RABGAP1: variants seen among roughly 807,000 people sequenced by gnomAD.
RABGAP1 encodes the protein RAB GTPase activating protein 1.
A neutral mutation model predicts 137.6 loss-of-function variants in RABGAP1; 23 were observed. That is an observed-to-expected ratio of 0.17 (90% CI 0.12 to 0.24). RABGAP1 has a LOEUF of 0.24. Among genes scored for constraint, RABGAP1 ranks in the 10% least tolerant of loss-of-function variants. RABGAP1 has a pLI of 1.00. For synonymous variants in RABGAP1, 451 were observed against 450.7 expected (o/e 1.00, Z -0.01); for missense variants, 906 against 1,275.8 (o/e 0.71, Z 4.42).
At chr9:123,020,185 CCTT>C (rs2031532929) in intron 12 of RABGAP1, 121 bp from the exon 13 acceptor site, 1 of 845,518 alleles carries the variant, frequency 1.2e-6, no homozygotes, top group Admixed American at 4.1e-5. Context: ...CTTTTTTTTC[CCTT>C]TATTACTTTG....
intron 13 of RABGAP1, among the ~76,000 whole-genome samples, chr9:123,064,670 G>T (rs1182486452): frequency 6.6e-6 from 1 of 152,212 alleles, no homozygotes; most frequent in Non-Finnish European, 1.5e-5. Flanking sequence ...GAGAATATTA[G>T]AAATAACTGG....
Position 123,089,802 on chromosome 9 carries a change from C to A in RABGAP1, c.2469C>A (p.Thr823=), listed in dbSNP as rs781754279. 29 of 1,613,760 alleles carry A rather than the reference C, an allele frequency of 1.8e-5. No homozygotes were observed. Among genetic ancestry groups the A allele is most frequent in the Non-Finnish European group, 2.5e-5 (29 of 1,179,794 alleles). ...KLKKYEKEYH[T]MREQQAQQED... ...AAAAATACGAGAAAGAATATCACAC[C>A]ATGAGGGAACAGCAGGCCCAGCAAG... is the stretch of plus-strand genomic sequence containing the variant. The change falls in exon 20 of 26, where the codon ACC becomes ACA. Residue 823 remains threonine, a synonymous_variant. Transcript: ENST00000373647.
At position 123,093,236 on chromosome 9, in the gene RABGAP1, T is replaced by G. The variant is rs189871905; in HGVS notation, c.2628+2851T>G. The stretch of plus-strand genomic sequence containing the variant: ...GGTTGATTATACATCACTTTTGTTA[T>G]TCATCACCTGTCACTTTTGCTGTTC... On this transcript the variant is annotated intron_variant, in intron 21 of 25. Transcript: ENST00000373647. Among the ~76,000 whole-genome samples the G allele has an allele frequency of 3.5e-3, 531 of 152,338 alleles. 1 individual carries two copies. Among genetic ancestry groups the G allele is most frequent in the Middle Eastern group, 6.8e-3 (2 of 294 alleles).
At chr9:123,089,963 C>G in intron 20 of RABGAP1, 113 bp downstream of exon 20, 1 of 1,000,394 alleles carries the variant, frequency 1.0e-6, no homozygotes, top group Non-Finnish European at 1.5e-6. Flanking sequence ...TCTGTAGGTT[C>G]AGGTTTGAGT....
chr9:123,074,150 C>G (rs968876678), intron 16 of RABGAP1, 135 bp from the exon 17 acceptor site: 3 of 1,043,442 alleles, frequency 2.9e-6, no homozygotes, highest in Middle Eastern at 4.1e-4. Context: ...GATAAGTGTT[C>G]TAAGCACTTT....
chr9:123,096,640 C>T (rs1218278492), intron 21 of RABGAP1, among the ~76,000 whole-genome samples: 1 of 152,208 alleles, frequency 6.6e-6, no homozygotes, highest in Non-Finnish European at 1.5e-5. Flanking sequence ...GCGATCTTGG[C>T]TCACTGCAAC....
At chr9:122,986,138 C>T in intron 3 of RABGAP1, 77 bp from the exon 4 acceptor site, 2 of 1,355,226 alleles carry the variant, frequency 1.5e-6, no homozygotes, top group South Asian at 1.3e-5. Flanking sequence ...ATGTTACTTG[C>T]AGATTTTTAC....
intron 10 of RABGAP1, 21 bp from the exon 11 acceptor site, chr9:123,010,330 AAAT>A (rs776449335): frequency 6.4e-7 from 1 of 1,572,850 alleles, no homozygotes; most frequent in South Asian, 1.2e-5. Flanking sequence ...ACTGCTTAAT[AAAT>A]AATATTTTTT....
Position 123,101,686 on chromosome 9 carries a change from A to G in RABGAP1, c.3010A>G (p.Lys1004Glu). 2 of 1,614,028 alleles carry G rather than the reference A, an allele frequency of 1.2e-6. No homozygotes were observed. The highest frequency in any genetic ancestry group is 1.7e-6 in the Non-Finnish European group (2 of 1,179,958). ...CACGGATGAAGAGAAAGAGACGCTC[A>G]AGAACCAGCTGAGAGAAATGGAGCT... ...EDTDEEKETLKNQLREMELEL... is the reference protein window; with the variant it reads ...EDTDEEKETLENQLREMELEL... The change falls in exon 25 of 26, where the codon AAG becomes GAG. Residue 1004 changes from lysine (K) to glutamate (E), a missense_variant. Lys to Glu is a moderately conservative substitution (Grantham distance 56). Around this residue, in one of 9 missense-constraint regions of RABGAP1, gnomAD observed 193 missense variants for 248.1 expected, o/e 0.78. Transcript: ENST00000373647.
chr9:123,051,170 G>A (rs1045010790), intron 13 of RABGAP1, among the ~76,000 whole-genome samples: 2 of 122,730 alleles, frequency 1.6e-5, no homozygotes, highest in African/African-American at 3.1e-5. Flanking sequence ...TTCAGCGACT[G>A]TGCCTTTTCT....
chr9:123,092,339 T>C (rs1318075914), intron 21 of RABGAP1, among the ~76,000 whole-genome samples: 2 of 152,252 alleles, frequency 1.3e-5, no homozygotes, highest in African/African-American at 4.8e-5. Flanking sequence ...AGAATTATAA[T>C]ATGAGCTCCC....
At chr9:123,049,261 C>T (rs1429381767) in intron 13 of RABGAP1, among the ~76,000 whole-genome samples, 1 of 152,112 alleles carries the variant, frequency 6.6e-6, no homozygotes, top group East Asian at 1.9e-4. Context: ...GGTTCTGTGA[C>T]AGTTCAATGA....
intron 13 of RABGAP1, among the ~76,000 whole-genome samples, chr9:123,037,480 T>A (rs562000561): frequency 6.6e-6 from 1 of 152,320 alleles, no homozygotes; most frequent in African/African-American, 2.4e-5. Context: ...TTGGTTAAAT[T>A]GCCATTTCAA....
chr9:122,940,069 A>T (rs1833469887), upstream of RABGAP1: 1 of 152,238 alleles, frequency 6.6e-6, no homozygotes, highest in South Asian at 2.1e-4. Flanking sequence ...CAGGAGGCTG[A>T]GGTGGTAGGA....
intron 13 of RABGAP1, among the ~76,000 whole-genome samples, chr9:123,053,278 A>G (rs925245985): frequency 6.6e-6 from 1 of 152,194 alleles, no homozygotes; most frequent in African/African-American, 2.4e-5. Flanking sequence ...GACATAAGAC[A>G]TCTGTTTTCA....
intron 2 of RABGAP1, among the ~76,000 whole-genome samples, chr9:122,976,133 A>C (rs1170819737): frequency 6.6e-6 from 1 of 152,208 alleles, no homozygotes; most frequent in Non-Finnish European, 1.5e-5. Context: ...ACAATTCATC[A>C]TGCAGTCTCC....
At chr9:123,050,184 G>A (rs2033392986) in intron 13 of RABGAP1, among the ~76,000 whole-genome samples, 1 of 149,394 alleles carries the variant, frequency 6.7e-6, no homozygotes, top group African/African-American at 2.6e-5. Flanking sequence ...AGTCTGCTCT[G>A]TGTGATGTGT....
intron 2 of RABGAP1, among the ~76,000 whole-genome samples, chr9:122,981,215 AG>A (rs1564375710): frequency 2.6e-5 from 4 of 152,014 alleles, no homozygotes; most frequent in Admixed American, 1.3e-4. Context: ...TAGTAGAGAC[AG>A]GGTTGCACCA....
chr9:122,998,069 G>A (rs909388090), intron 9 of RABGAP1, among the ~76,000 whole-genome samples: 2 of 151,536 alleles, frequency 1.3e-5, no homozygotes, highest in African/African-American at 4.9e-5. Flanking sequence ...CAGTACAGTG[G>A]TGTTTTTGTT....
Sources: gnomAD v4.1 joint callset for allele counts (sites outside exome capture counted in the v4.1 genomes callset) on GRCh38, gnomAD v4.1.1 for gene constraint, gnomAD v4.1.1 regional missense constraint, MANE v1.5 for transcripts, NCBI Gene and HGNC (gene_info 2026-07-23, HGNC 2026-07-21) for gene names.